The following PRKX variants were observed in gnomAD, a reference collection of about 807,000 sequenced individuals.
PRKX encodes the protein protein kinase cAMP-dependent X-linked catalytic subunit.
Under a neutral mutation model 22.0 loss-of-function variants are expected in PRKX, and 12 were observed. The observed-to-expected ratio is 0.54, with a 90% CI of 0.35 to 0.88. PRKX has a LOEUF of 0.88. PRKX is among the 40% of genes least tolerant of loss of function. The pLI is 0.01. For synonymous variants in PRKX, 134 were observed against 137.7 expected (o/e 0.97, Z 0.19); for missense variants, 217 against 308.0 (o/e 0.70, Z 2.21).
At chrX:3,705,463 C>A (rs948405715) in intron 1 of PRKX, among the ~76,000 whole-genome samples, 1 of 110,821 alleles carries the variant, frequency 9.0e-6, no homozygotes, top group Non-Finnish European at 1.9e-5. Context: ...TGGGACTGGA[C>A]CCACCACAGT....
At chrX:3,673,056 G>T (rs1356221936) in intron 2 of PRKX, among the ~76,000 whole-genome samples, 1 of 111,393 alleles carries the variant, frequency 9.0e-6, no homozygotes, top group East Asian at 2.8e-4. Flanking sequence ...CCCATCCTCT[G>T]CATATGATTT....
intron 1 of PRKX, among the ~76,000 whole-genome samples, chrX:3,700,508 C>T (rs184216596): frequency 7.2e-5 from 8 of 111,394 alleles, no homozygotes; most frequent in Non-Finnish European, 1.1e-4. Context: ...TATTTTGAGT[C>T]GTTACTGATT....
intron 3 of PRKX, among the ~76,000 whole-genome samples, chrX:3,653,136 T>C (rs1927372049): frequency 9.0e-6 from 1 of 111,594 alleles, no homozygotes; most frequent in Non-Finnish European, 1.9e-5. Context: ...GTTGAAATCA[T>C]CATCCCCAAA....
intron 1 of PRKX, among the ~76,000 whole-genome samples, chrX:3,692,902 T>C (rs1045554514): frequency 4.5e-5 from 5 of 111,604 alleles, no homozygotes; most frequent in African/African-American, 1.6e-4. Flanking sequence ...ACTGAATTCT[T>C]TGATTAGGTG....
rs542488229 is a variant in PRKX at position 3,688,173 on chromosome X, C to T, written c.167-13407G>A. 1.7e-4 allele frequency among the ~76,000 whole-genome samples: 18 copies of T among 108,832 alleles called. No individual in the cohort carries two copies. In the South Asian group the frequency reaches 4.1e-3, roughly 25 times the overall value. The allele number at this position is 108,832 out of a possible 115,157, so 94.5% of individuals were successfully genotyped here. A position where few individuals can be genotyped will look rare whatever the true frequency, so the allele number is the denominator to read the frequency against. ...AAAAAAGGTAAAACCCAGCTGGGCG[C>T]GCTGGCTCACGCCTGTAATCCCAGC... On this transcript the variant is annotated intron_variant, in intron 1 of 8. Coordinates refer to ENST00000262848, the MANE Select transcript of PRKX (RefSeq NM_005044.5).
chrX:3,638,371 C>G (rs997150591), intron 4 of PRKX, among the ~76,000 whole-genome samples: 1 of 111,454 alleles, frequency 9.0e-6, no homozygotes, highest in Non-Finnish European at 1.9e-5. Context: ...ATAGTCTACT[C>G]TATCCTAGAA....
rs141700607 is a variant in PRKX, at chrX:3,612,317, G to A, written c.960C>T (p.Ile320=). The A allele has an allele frequency of 2.4e-5, 29 of 1,207,059 alleles. No individual in the cohort carries two copies. Among genetic ancestry groups the A allele is most frequent in the South Asian group, 3.6e-5 (2 of 56,231 alleles). ...CGCCGTCACCAGCTATCTTGGGCAC[G>A]ATGGGAGGCTGTGAGACATGGCCGA... The part of the protein sequence containing the change: ...AVPQRKLKPP[I]VPKIAGDGDT... The change falls in exon 8 of 9, where the codon ATC becomes ATT. Residue 320 remains isoleucine (I), a synonymous_variant. Transcript: ENST00000262848.
intron 7 of PRKX, among the ~76,000 whole-genome samples, chrX:3,613,187 A>AAAAAAAAAAAAAC (rs1926341705): frequency 1.0e-5 from 1 of 96,724 alleles, no homozygotes; most frequent in Non-Finnish European, 2.1e-5. Flanking sequence ...AAAAAAAAAA[A>AAAAAAAAAAAAAC]TGAGGAAGCT....
chrX:3,611,191 C>T (rs1235525016), intron 8 of PRKX: 3 of 111,868 alleles, frequency 2.7e-5, no homozygotes, highest in Non-Finnish European at 3.8e-5. Flanking sequence ...TCCATGTAAA[C>T]ACCTGCCCAG....
intron 3 of PRKX, among the ~76,000 whole-genome samples, chrX:3,652,570 C>G (rs773429193): frequency 9.0e-6 from 1 of 110,588 alleles, no homozygotes; most frequent in Non-Finnish European, 1.9e-5. Flanking sequence ...GACGACAGAG[C>G]GAGACTTCGT....
intron 7 of PRKX, among the ~76,000 whole-genome samples, chrX:3,614,134 C>T (rs1212892906): frequency 2.7e-5 from 3 of 111,664 alleles, no homozygotes; most frequent in Admixed American, 9.6e-5. Flanking sequence ...AAAAACTATC[C>T]GGCCATAAAA....
At chrX:3,705,602 C>A (rs1022234367) in intron 1 of PRKX, among the ~76,000 whole-genome samples, 2 of 111,832 alleles carry the variant, frequency 1.8e-5, no homozygotes, top group Non-Finnish European at 3.8e-5. Flanking sequence ...ACAGGGAAAA[C>A]GAGGTCACAA....
rs1250294810 is a variant in PRKX at position 3,694,711 on chromosome X, G to A, written c.166+18377C>T. Reference sequence around the variant, plus strand: ...ACTTTGCAAACGTGATTAAGCTAGGGATCTTGAGATGAGATCGCGCTGGAA... The same window carrying A: ...ACTTTGCAAACGTGATTAAGCTAGGAATCTTGAGATGAGATCGCGCTGGAA... On this transcript the variant is annotated intron_variant, in intron 1 of 8. Coordinates refer to ENST00000262848, the MANE Select transcript of PRKX (RefSeq NM_005044.5). Among the ~76,000 whole-genome samples, 2 of 112,269 alleles carry A rather than the reference G, an allele frequency of 1.8e-5. 1 individual carries two copies. Among genetic ancestry groups the A allele is most frequent in the African/African-American group, 6.5e-5 (2 of 30,919 alleles).
chrX:3,660,058 C>T (rs1368476096), intron 2 of PRKX, among the ~76,000 whole-genome samples: 1 of 111,842 alleles, frequency 8.9e-6, no homozygotes, highest in Non-Finnish European at 1.9e-5. Flanking sequence ...AAGAGTGTTC[C>T]TCTCAGTAAT....
intron 2 of PRKX, among the ~76,000 whole-genome samples, chrX:3,663,469 A>C (rs12398791): frequency 0.28 from 14,521 of 52,510 alleles, 1,507 homozygotes; most frequent in African/African-American, 0.4. Context: ...CACACACACA[A>C]AAAAATTCAA....
chrX:3,713,390 C>A lies in PRKX; in HGVS notation c.-137G>T. The A allele has an allele frequency of 2.1e-6, 1 of 480,522 alleles. No homozygotes were observed. The highest frequency in any genetic ancestry group is 1.2e-4 in the South Asian group (1 of 8,618). The allele number at this position is 480,522 out of a possible 1,213,427, so 39.6% of individuals were successfully genotyped here. A position where few individuals can be genotyped will look rare whatever the true frequency, so the allele number is the denominator to read the frequency against. ...CCATGCGCGCTCTCGCCTCCTGGTGCGCGGTCCGGCGCGGCTGACGGAGCG... is the reference window on the plus strand; with the variant it reads ...CCATGCGCGCTCTCGCCTCCTGGTGAGCGGTCCGGCGCGGCTGACGGAGCG... On this transcript the variant is annotated 5_prime_UTR_variant, in exon 1 of 9. Transcript: ENST00000262848.
chrX:3,636,705 CA>C (rs1443678791), intron 4 of PRKX, among the ~76,000 whole-genome samples: 2 of 112,049 alleles, frequency 1.8e-5, no homozygotes, highest in Non-Finnish European at 3.8e-5. Context: ...ACTAAAAATA[CA>C]AAAATTAGCT....
At chrX:3,692,032 A>T (rs993980942) in intron 1 of PRKX, among the ~76,000 whole-genome samples, 8 of 97,172 alleles carry the variant, frequency 8.2e-5, no homozygotes, top group Admixed American at 3.5e-4. Context: ...GATAATTAGG[A>T]TGGTTAGATA....
At chrX:3,623,723 G>A (rs778126935) in intron 5 of PRKX, among the ~76,000 whole-genome samples, 14 of 111,046 alleles carry the variant, frequency 1.3e-4, no homozygotes, top group Non-Finnish European at 1.5e-4. Context: ...CGACACATCT[G>A]CCGGCACTCT....
Sources: gnomAD v4.1 joint callset for allele counts (sites outside exome capture counted in the v4.1 genomes callset) on GRCh38, gnomAD v4.1.1 for gene constraint, MANE v1.5 for transcripts, NCBI Gene and HGNC (gene_info 2026-07-23, HGNC 2026-07-21) for gene names.